The following ERV3-1 variants were observed in gnomAD, a reference collection of about 807,000 sequenced individuals.
ERV3-1 encodes the protein endogenous retrovirus group 3 member 1, envelope, also known as endogenous retrovirus group 3 member 1 Env polyprotein.
ERV3-1 carries 36 observed loss-of-function variants against 24.6 expected under a neutral mutation model. The observed-to-expected ratio is 1.47, with a 90% CI of 1.12 to 1.94. ERV3-1 has a LOEUF of 1.94. ERV3-1 is among the 30% of genes most tolerant of loss of function. The pLI is 0.00. For synonymous variants in ERV3-1, 211 were observed against 122.6 expected (o/e 1.72, Z -4.76); for missense variants, 578 against 330.9 (o/e 1.75, Z -5.79).
chr7:64,991,529 C>A lies in ERV3-1; in HGVS notation c.1498G>T (p.Asp500Tyr), dbSNP rs1380616987. 2 of 704,178 alleles carry A rather than the reference C, an allele frequency of 2.8e-6. No individual in the cohort carries two copies. The highest frequency in any genetic ancestry group is 2.0e-5 in the Admixed American group (1 of 50,024). The allele number at this position is 704,178 out of a possible 1,614,324, so 43.6% of individuals were successfully genotyped here. Residue 500 changes from aspartate (D) to tyrosine (Y), a missense_variant, in exon 2 of 2, where the codon GAT becomes TAT. Coordinates refer to ENST00000394323, the MANE Select transcript of ERV3-1 (RefSeq NM_001007253.4). ...GGGGTGCGGTATCCCCACATTCCAT[C>A]TTCTGCCCAGGTGGCTGGGCCATAA... Reference protein sequence around the residue: ...QYYGPATWAEDGMWGYRTPVY... With the variant: ...QYYGPATWAEYGMWGYRTPVY...
chr7:64,999,080 C>T lies in ERV3-1; in HGVS notation c.-388-5666G>A, dbSNP rs190009000. On this transcript the variant is annotated intron_variant, in intron 1 of 1. Transcript: ENST00000394323. ...CCAGGAGGTGATCAGGCTCCCCTTC[C>T]ATCCTTATGGGACGGGTCCTGCCTT... is the stretch of plus-strand genomic sequence containing the variant. Among the ~76,000 whole-genome samples, 13 of 152,288 alleles carry T rather than the reference C, an allele frequency of 8.5e-5. No individual in the cohort carries two copies. The East Asian group carries it at 2.5e-3, about 29-fold the overall frequency.
At chr7:65,001,649 T>C (rs1002612740) in intron 1 of ERV3-1, among the ~76,000 whole-genome samples, 1 of 152,160 alleles carries the variant, frequency 6.6e-6, no homozygotes, top group African/African-American at 2.4e-5. Flanking sequence ...CCCAGGACAA[T>C]GGGCAGTGTG....
chr7:64,990,565 C>T lies in ERV3-1; in HGVS notation c.*647G>A, dbSNP rs1270584064. On this transcript the variant is annotated 3_prime_UTR_variant, in exon 2 of 2. Coordinates refer to ENST00000394323, the MANE Select transcript of ERV3-1 (RefSeq NM_001007253.4). The stretch of plus-strand genomic sequence containing the variant: ...AATCATACCGTGACAGGTTTTACAA[C>T]AGGATTTGCAACATGAGCCTACCTT... The T allele has an allele frequency of 6.6e-6, 1 of 152,604 alleles. No individual in the cohort carries two copies. Among genetic ancestry groups the T allele is most frequent in the East Asian group, 1.9e-4 (1 of 5,184 alleles). 9.5% of individuals were successfully genotyped at this position (152,604 alleles called of 1,614,324 possible). A position where few individuals can be genotyped will look rare whatever the true frequency, so the allele number is the denominator to read the frequency against.
chr7:64,993,038 G>T lies in ERV3-1; in HGVS notation c.-12C>A, dbSNP rs755032287. The T allele has an allele frequency of 1.4e-6, 1 of 728,152 alleles. No individual in the cohort carries two copies. The highest frequency in any genetic ancestry group is 2.5e-5 in the East Asian group (1 of 40,586). The allele number at this position is 728,152 out of a possible 1,614,324, so 45.1% of individuals were successfully genotyped here. A position where few individuals can be genotyped will look rare whatever the true frequency, so the allele number is the denominator to read the frequency against. ...TTCATACCCAGCATGGACAGAAAAG[G>T]CTTTTTCCTGGGGGGAGAAGGCTAA... is the stretch of plus-strand genomic sequence containing the variant. On this transcript the variant is annotated 5_prime_UTR_variant, in exon 2 of 2. Transcript: ENST00000394323.
At chr7:64,997,577 G>A (rs1429685684) in intron 1 of ERV3-1, among the ~76,000 whole-genome samples, 1 of 152,054 alleles carries the variant, frequency 6.6e-6, no homozygotes, top group Non-Finnish European at 1.5e-5. Context: ...TACTGTAATT[G>A]GGCTGCATCA....
rs148967194 is a variant in ERV3-1 at position 64,991,049 on chromosome 7, G to T, written c.*163C>A. ...AGGGCCATTAGTCGTGTGGTAGTCC[G>T]TCTGTCCACAAGAGCCTCTATGGCT... On this transcript the variant is annotated 3_prime_UTR_variant, in exon 2 of 2. Coordinates refer to ENST00000394323, the MANE Select transcript of ERV3-1 (RefSeq NM_001007253.4). The T allele has an allele frequency of 5.5e-6, 3 of 546,648 alleles. No homozygotes were observed. In the Admixed American group the frequency reaches 9.9e-5, roughly 18 times the overall value. 33.9% of individuals were successfully genotyped at this position (546,648 alleles called of 1,614,324 possible).
intron 1 of ERV3-1, among the ~76,000 whole-genome samples, chr7:65,002,028 C>G (rs1185885346): frequency 6.6e-6 from 1 of 152,122 alleles, no homozygotes; most frequent in Non-Finnish European, 1.5e-5. Flanking sequence ...GTTATGTTTA[C>G]CCATTTATTA....
At chr7:64,996,114 G>T (rs1477196942) in intron 1 of ERV3-1, among the ~76,000 whole-genome samples, 1 of 152,208 alleles carries the variant, frequency 6.6e-6, no homozygotes, top group East Asian at 1.9e-4. Flanking sequence ...ATACAGGTTT[G>T]GTACTACTGG....
Position 64,991,867 on chromosome 7 carries a change from G to T in ERV3-1, c.1160C>A (p.Pro387Gln). The T allele has an allele frequency of 1.3e-6, 1 of 766,280 alleles. No homozygotes were observed. The highest frequency in any genetic ancestry group is 2.4e-6 in the Non-Finnish European group (1 of 417,896). The allele number at this position is 766,280 out of a possible 1,614,324, so 47.5% of individuals were successfully genotyped here. ...WRGKSNNSES[P>Q]HPSPFSRFPS... The stretch of plus-strand genomic sequence containing the variant: ...GAAACGAGAGAATGGGCTTGGGTGT[G>T]GTGATTCAGAATTATTGCTTTTGCC... The change falls in exon 2 of 2, where the codon CCA becomes CAA. Residue 387 changes from proline to glutamine, a missense_variant. By Grantham distance (76) the Pro-to-Gln change is moderately conservative (BLOSUM62 -1). Coordinates refer to ENST00000394323, the MANE Select transcript of ERV3-1 (RefSeq NM_001007253.4).
intron 1 of ERV3-1, among the ~76,000 whole-genome samples, chr7:65,003,162 G>T (rs1174644250): frequency 6.6e-6 from 1 of 152,136 alleles, no homozygotes; most frequent in African/African-American, 2.4e-5. Context: ...TGCAGGGAAG[G>T]TTTCCTAGAA....
rs987279317 is a variant in ERV3-1, at chr7:64,993,132, C to A, written c.-106G>T. On this transcript the variant is annotated 5_prime_UTR_variant, in exon 2 of 2. Transcript: ENST00000394323. ...AAATTACTGGACTTCAGATTTCTAA[C>A]CACATTTACTTCCCTGATGATGACT... 1 of 609,026 alleles carries A rather than the reference C, an allele frequency of 1.6e-6. No homozygotes were observed. The highest frequency in any genetic ancestry group is 2.9e-6 in the Non-Finnish European group (1 of 341,276). The allele number at this position is 609,026 out of a possible 1,614,324, so 37.7% of individuals were successfully genotyped here.
Position 64,993,225 on chromosome 7 carries a change from G to A in ERV3-1, c.-199C>T. 1.7e-6 allele frequency: 1 copy of A among 572,306 alleles called. No homozygotes were observed. Among genetic ancestry groups the A allele is most frequent in the East Asian group, 2.9e-5 (1 of 35,004 alleles). The allele number at this position is 572,306 out of a possible 1,614,324, so 35.5% of individuals were successfully genotyped here. A position where few individuals can be genotyped will look rare whatever the true frequency, so the allele number is the denominator to read the frequency against. On this transcript the variant is annotated 5_prime_UTR_variant, in exon 2 of 2. Transcript: ENST00000394323. ...TAGAGCAGGGCTGTTGTCTCCTCAA[G>A]CTTCAGCCGTGTGTGGACTGGTCAG...
chr7:64,998,620 C>T (rs1054689353), intron 1 of ERV3-1, among the ~76,000 whole-genome samples: 2 of 152,162 alleles, frequency 1.3e-5, no homozygotes, highest in Admixed American at 1.3e-4. Context: ...TATGGCAGAA[C>T]CCACTCACTC....
rs772299011 is a variant in ERV3-1 at position 64,991,910 on chromosome 7, C to G, written c.1117G>C (p.Gly373Arg). 2.6e-6 allele frequency: 2 copies of G among 766,370 alleles called. No homozygotes were observed. The highest frequency in any genetic ancestry group is 4.8e-6 in the Non-Finnish European group (2 of 417,880). 47.5% of individuals were successfully genotyped at this position (766,370 alleles called of 1,614,324 possible). The change falls in exon 2 of 2, where the codon GGA (glycine) becomes CGA (arginine). Residue 373 changes from glycine (G) to arginine (R), a missense_variant. Coordinates refer to ENST00000394323, the MANE Select transcript of ERV3-1 (RefSeq NM_001007253.4). The part of the protein sequence containing the change: ...LGQQYYNETL[G>R]KTLWRGKSNN... The stretch of plus-strand genomic sequence containing the variant: ...CTTTTGCCCCTCCATAAAGTCTTTC[C>G]TAGTGTCTCGTTGTAATATTGTTGT...
chr7:64,991,759 G>A lies in ERV3-1; in HGVS notation c.1268C>T (p.Pro423Leu), dbSNP rs1046229795. 1 of 766,126 alleles carries A rather than the reference G, an allele frequency of 1.3e-6. No individual in the cohort carries two copies. The highest frequency in any genetic ancestry group is 2.4e-6 in the Non-Finnish European group (1 of 417,874). 47.5% of individuals were successfully genotyped at this position (766,126 alleles called of 1,614,324 possible). ...AGCTGGCAGTTGTCGATATGCTTGTGGCCCACAGATCCAGTAGAGGCCAGA... is the reference window on the plus strand; with the variant it reads ...AGCTGGCAGTTGTCGATATGCTTGTAGCCCACAGATCCAGTAGAGGCCAGA... ...APSGLYWICG[P>L]QAYRQLPAKW... The change falls in exon 2 of 2, where the codon CCA (proline) becomes CTA (leucine). Residue 423 changes from proline to leucine, a missense_variant. Coordinates refer to ENST00000394323, the MANE Select transcript of ERV3-1 (RefSeq NM_001007253.4).
At chr7:64,997,495 T>C (rs1469535089) in intron 1 of ERV3-1, among the ~76,000 whole-genome samples, 6 of 152,182 alleles carry the variant, frequency 3.9e-5, no homozygotes, top group Non-Finnish European at 8.8e-5. Flanking sequence ...TTCCAAGATT[T>C]TCCCCGTGTT....
intron 1 of ERV3-1, among the ~76,000 whole-genome samples, chr7:65,003,125 T>C (rs1275528284): frequency 6.6e-6 from 1 of 152,182 alleles, no homozygotes; most frequent in Admixed American, 6.5e-5. Flanking sequence ...GCTTCTTCCA[T>C]GGCTAGAGTG....
intron 1 of ERV3-1, among the ~76,000 whole-genome samples, chr7:64,999,014 C>T (rs536152841): frequency 3.7e-4 from 56 of 152,274 alleles, no homozygotes; most frequent in African/African-American, 1.1e-3. Flanking sequence ...TCCAACTTTG[C>T]GAGCCCCTCT....
At chr7:65,006,432 C>A in intron 1 of ERV3-1, 109 bp downstream of exon 1, 3 of 1,497,394 alleles carry the variant, frequency 2.0e-6, no homozygotes, top group Non-Finnish European at 2.8e-6. Flanking sequence ...CTCGGGGCCG[C>A]GGATTTTGGA....
Sources: allele counts gnomAD v4.1 joint callset (sites outside exome capture counted in the v4.1 genomes callset), GRCh38; gene constraint gnomAD v4.1.1; transcripts MANE v1.5; gene names NCBI Gene and HGNC (gene_info 2026-07-23, HGNC 2026-07-21).